The following WDHD1 variants were observed in gnomAD, a reference collection of about 807,000 sequenced individuals.
WDHD1 encodes the protein WD repeat and HMG-box DNA binding protein 1, also known as WD repeat and HMG-box DNA-binding protein 1.
In WDHD1, 111 loss-of-function variants were observed where a neutral mutation model predicts 135.4. The ratio of observed to expected loss-of-function variants is 0.82; its 90% confidence interval spans 0.70 to 0.96. WDHD1 has a LOEUF of 0.96. Ranked by LOEUF, WDHD1 falls within the 40% of genes least tolerant of loss-of-function variation. The pLI is 0.00. For missense variants in WDHD1, 1,351 were observed against 1,336.3 expected (o/e 1.01, Z -0.17); for synonymous variants, 434 against 439.0 (o/e 0.99, Z 0.14).
intron 22 of WDHD1, 142 bp downstream of exon 22, chr14:54,957,450 C>A: frequency 1.2e-6 from 1 of 863,686 alleles, no homozygotes; most frequent in South Asian, 2.0e-5. Context: ...CAACTCTCAG[C>A]CCAAGTGCTG....
intron 16 of WDHD1, among the ~76,000 whole-genome samples, chr14:54,976,883 C>A (rs1167858264): frequency 6.6e-6 from 1 of 152,028 alleles, no homozygotes; most frequent in African/African-American, 2.4e-5. Context: ...CAATTTATCA[C>A]ATAATATACA....
Position 55,013,533 on chromosome 14 carries a change from A to G in WDHD1, c.141T>C (p.Asp47=). ...VRIWEDLDDD[D]PKFINVGEKA... ...TTTCTCCAACATTAATGAACTTAGG[A>G]TCATCATCATCCAAGTCTTCCCAAA... is the stretch of plus-strand genomic sequence containing the variant. The change falls in exon 3 of 26, where the codon GAT becomes GAC. Residue 47 remains aspartate, a synonymous_variant. Transcript: ENST00000360586. The G allele has an allele frequency of 6.2e-7, 1 of 1,614,044 alleles. No individual in the cohort carries two copies. Among genetic ancestry groups the G allele is most frequent in the Non-Finnish European group, 8.5e-7 (1 of 1,179,966 alleles).
chr14:55,016,726 C>A (rs761660247), intron 2 of WDHD1, among the ~76,000 whole-genome samples: 6 of 152,194 alleles, frequency 3.9e-5, no homozygotes, highest in Non-Finnish European at 8.8e-5. Context: ...TTGATTTAAA[C>A]CTACATAGCT....
intron 24 of WDHD1, among the ~76,000 whole-genome samples, chr14:54,944,854 C>A (rs994550071): frequency 6.6e-6 from 1 of 152,016 alleles, no homozygotes; most frequent in African/African-American, 2.4e-5. Context: ...GTGATCTGCC[C>A]GCCTCGGCTT....
At chr14:54,996,161 G>A (rs537476473) in intron 10 of WDHD1, among the ~76,000 whole-genome samples, 1 of 152,234 alleles carries the variant, frequency 6.6e-6, no homozygotes, top group South Asian at 2.1e-4. Context: ...TATAAAGTCT[G>A]TCATATTGTA....
At chr14:55,022,601 G>C (rs2042367459) in intron 2 of WDHD1, among the ~76,000 whole-genome samples, 1 of 151,976 alleles carries the variant, frequency 6.6e-6, no homozygotes. Context: ...AAAATCGCTT[G>C]AACCCAGGAG....
intron 18 of WDHD1, among the ~76,000 whole-genome samples, chr14:54,965,570 C>A (rs2140171129): frequency 6.6e-6 from 1 of 152,208 alleles, no homozygotes; most frequent in South Asian, 2.1e-4. Context: ...CCTTGAGAGC[C>A]CGTTAAAACA....
chr14:55,011,609 G>T (rs1426193021), intron 3 of WDHD1, among the ~76,000 whole-genome samples: 1 of 149,560 alleles, frequency 6.7e-6, no homozygotes, highest in Non-Finnish European at 1.5e-5. Context: ...TAACATTTTG[G>T]GGTTAAGTCT....
chr14:54,949,152 G>A (rs927028611), intron 24 of WDHD1, among the ~76,000 whole-genome samples: 1 of 152,206 alleles, frequency 6.6e-6, no homozygotes, highest in African/African-American at 2.4e-5. Context: ...GCTGGACGGA[G>A]AATGACTTTG....
chr14:54,986,885 G>A (rs372080525), intron 14 of WDHD1, among the ~76,000 whole-genome samples: 3 of 152,106 alleles, frequency 2.0e-5, no homozygotes, highest in African/African-American at 2.4e-5. Flanking sequence ...TTCTCTGGTC[G>A]TGCTTGCCAA....
chr14:54,957,300 T>C (rs999285668), intron 22 of WDHD1, 96 bp from the exon 23 acceptor site: 3 of 1,325,098 alleles, frequency 2.3e-6, no homozygotes, highest in South Asian at 3.0e-5. Flanking sequence ...TAAGTTTGTA[T>C]TGCCATCTCA....
intron 16 of WDHD1, among the ~76,000 whole-genome samples, chr14:54,971,169 T>G (rs140638639): frequency 6.6e-6 from 1 of 152,318 alleles, no homozygotes; most frequent in Non-Finnish European, 1.5e-5. Flanking sequence ...TTCAGGATAT[T>G]GGCCTTGGTA....
At chr14:55,025,379 G>A (rs1342584702) in intron 2 of WDHD1, among the ~76,000 whole-genome samples, 1 of 151,548 alleles carries the variant, frequency 6.6e-6, no homozygotes, top group Non-Finnish European at 1.5e-5. Context: ...TATGCTGAAC[G>A]CTGGTTCCCC....
At chr14:54,973,328 T>G (rs993838867) in intron 16 of WDHD1, among the ~76,000 whole-genome samples, 3 of 152,124 alleles carry the variant, frequency 2.0e-5, no homozygotes, top group African/African-American at 7.2e-5. Context: ...CCCACTAGAG[T>G]AATTAGAAAA....
At chr14:54,942,426 G>C (rs1006806883) in intron 25 of WDHD1, among the ~76,000 whole-genome samples, 4 of 152,000 alleles carry the variant, frequency 2.6e-5, no homozygotes, top group African/African-American at 4.8e-5. Context: ...CACAACTATA[G>C]GGAACTGACA....
chr14:54,983,057 G>A (rs1187886), intron 15 of WDHD1, among the ~76,000 whole-genome samples: 20 of 151,944 alleles, frequency 1.3e-4, no homozygotes, highest in African/African-American at 1.5e-4. Flanking sequence ...CCAGATACTC[G>A]GGAGGCTGAG....
chr14:54,971,834 A>G (rs556442269), intron 16 of WDHD1, among the ~76,000 whole-genome samples: 1 of 152,228 alleles, frequency 6.6e-6, no homozygotes, highest in East Asian at 1.9e-4. Flanking sequence ...AATCAGCAGC[A>G]AAAAACAAAT....
intron 7 of WDHD1, 49 bp downstream of exon 7, chr14:55,007,231 T>TTAAAAAAAAAAA: frequency 9.5e-7 from 1 of 1,053,080 alleles, no homozygotes; most frequent in South Asian, 1.6e-5. Flanking sequence ...CCATCTCTAA[T>TTAAAAAAAAAAA]AAAAAAAAAA....
intron 2 of WDHD1, among the ~76,000 whole-genome samples, chr14:55,017,434 C>G (rs2042279308): frequency 6.6e-6 from 1 of 151,674 alleles, no homozygotes; most frequent in African/African-American, 2.4e-5. Flanking sequence ...CCTCCACTTC[C>G]CAGGTTCAAG....
Sources: gnomAD v4.1 joint callset for allele counts (sites outside exome capture counted in the v4.1 genomes callset) on GRCh38, gnomAD v4.1.1 for gene constraint, MANE v1.5 for transcripts, NCBI Gene and HGNC (gene_info 2026-07-23, HGNC 2026-07-21) for gene names.